Variants in KDM4C observed in about 807,000 individuals in gnomAD.
KDM4C encodes lysine-specific demethylase 4C.
In KDM4C, 81 loss-of-function variants were observed where a neutral mutation model predicts 129.3. That is an observed-to-expected ratio of 0.63 (90% CI 0.52 to 0.75). The LOEUF is 0.75. Among genes scored for constraint, KDM4C ranks in the 30% least tolerant of loss-of-function variants. KDM4C has a pLI of 0.00. For synonymous variants in KDM4C, 573 were observed against 456.1 expected (o/e 1.26, Z -3.26); for missense variants, 1,457 against 1,304.0 (o/e 1.12, Z -1.81).
At chr9:6,781,530 C>T (rs561705974) in intron 1 of KDM4C, among the ~76,000 whole-genome samples, 2 of 152,130 alleles carry the variant, frequency 1.3e-5, no homozygotes, top group East Asian at 1.9e-4. Context: ...AGCCATAAAC[C>T]ATGGTATTCT....
At chr9:6,730,120 A>C (rs577127370) in intron 1 of KDM4C, among the ~76,000 whole-genome samples, 1 of 124,936 alleles carries the variant, frequency 8.0e-6, no homozygotes, top group South Asian at 2.4e-4. Flanking sequence ...AAAAAAAAGA[A>C]AAAAAAAAAG....
chr9:7,006,395 A>ACT lies in KDM4C; in HGVS notation c.1787-5302_1787-5301dup, dbSNP rs140922990. On this transcript the variant is annotated intron_variant, in intron 12 of 21. Coordinates refer to ENST00000381309, the MANE Select transcript of KDM4C (RefSeq NM_015061.6). The stretch of plus-strand genomic sequence containing the variant: ...TCATTGCTTGAGCATCAGAGGTGAT[A>ACT]CTGATTGTCTATTTAATGATCAATG... Among the ~76,000 whole-genome samples, 517 of 152,244 alleles carry ACT rather than the reference A, an allele frequency of 3.4e-3. 2 individuals are homozygous for ACT. The highest frequency in any genetic ancestry group is 0.012 in the African/African-American group (482 of 41,534).
intron 17 of KDM4C, chr9:7,076,715 G>C: frequency 8.1e-7 from 1 of 1,228,120 alleles, no homozygotes; most frequent in Non-Finnish European, 1.0e-6. Context: ...TTCATTTGTT[G>C]ACTTCCTATG....
chr9:6,856,171 CA>C (rs58881523), intron 5 of KDM4C, among the ~76,000 whole-genome samples: 35,789 of 142,658 alleles, frequency 0.25, 4,537 homozygotes, highest in East Asian at 0.5. Flanking sequence ...ATTTGAAGAT[CA>C]AAAAAAAAAA....
intron 4 of KDM4C, chr9:6,814,970 T>A: frequency 2.8e-6 from 1 of 360,832 alleles, no homozygotes; most frequent in Non-Finnish European, 4.9e-6. Flanking sequence ...TAACATGGTA[T>A]GTGGTTATCT....
At chr9:6,932,049 A>C (rs146591522) in intron 8 of KDM4C, among the ~76,000 whole-genome samples, 2,733 of 152,290 alleles carry the variant, frequency 0.018, 82 homozygotes, top group African/African-American at 0.061. Context: ...GGCCGTGACT[A>C]TTGTGAGTCA....
At chr9:6,739,537 C>G (rs1312201298) in intron 1 of KDM4C, among the ~76,000 whole-genome samples, 1 of 152,096 alleles carries the variant, frequency 6.6e-6, no homozygotes, top group African/African-American at 2.4e-5. Context: ...TAACATTATC[C>G]AGTAAAGTAG....
intron 8 of KDM4C, among the ~76,000 whole-genome samples, chr9:6,916,244 C>CT (rs1037588800): frequency 4.6e-5 from 7 of 151,678 alleles, no homozygotes; most frequent in African/African-American, 1.7e-4. Flanking sequence ...TTATCCGGAC[C>CT]TTTTTTATTC....
rs117754744 is a variant in KDM4C at position 7,051,451 on chromosome 9, C to T, written c.2424+2251C>T. On this transcript the variant is annotated intron_variant, in intron 17 of 21. Coordinates refer to ENST00000381309, the MANE Select transcript of KDM4C (RefSeq NM_015061.6). ...CAATTTACTTATGTGGGGAATGAAA[C>T]GCACCTTTCCAGGGAATAGGATGCT... Among the ~76,000 whole-genome samples the T allele has an allele frequency of 5.7e-3, 864 of 152,238 alleles. 59 individuals are homozygous for T. In the East Asian group the frequency reaches 0.14, roughly 25 times the overall value.
At chr9:6,914,889 C>T (rs1047914134) in intron 8 of KDM4C, among the ~76,000 whole-genome samples, 6 of 152,212 alleles carry the variant, frequency 3.9e-5, no homozygotes, top group Non-Finnish European at 8.8e-5. Context: ...AAACTGTGAA[C>T]AGTAAATTTC....
At chr9:7,148,360 C>A (rs913477686) in intron 19 of KDM4C, among the ~76,000 whole-genome samples, 2 of 152,206 alleles carry the variant, frequency 1.3e-5, no homozygotes, top group African/African-American at 4.8e-5. Flanking sequence ...ATTTGTGTTA[C>A]AGCTCTTTCA....
intron 8 of KDM4C, among the ~76,000 whole-genome samples, chr9:6,914,235 T>G (rs1469253342): frequency 1.3e-5 from 2 of 152,100 alleles, no homozygotes; most frequent in African/African-American, 4.8e-5. Context: ...AATATTGTAT[T>G]TTTTGTAGAG....
intron 5 of KDM4C, among the ~76,000 whole-genome samples, chr9:6,865,927 G>A (rs1056213527): frequency 3.3e-5 from 5 of 151,824 alleles, no homozygotes; most frequent in African/African-American, 1.2e-4. Flanking sequence ...CTAATTTTTT[G>A]TATTTTTAGT....
chr9:6,899,538 T>TG (rs751090659), intron 8 of KDM4C, among the ~76,000 whole-genome samples: 1 of 91,544 alleles, frequency 1.1e-5, no homozygotes, highest in Admixed American at 1.0e-4. Context: ...GCCTTTTCCA[T>TG]GGGGGTGTGT....
At chr9:6,930,417 T>C (rs1823459061) in intron 8 of KDM4C, among the ~76,000 whole-genome samples, 1 of 151,108 alleles carries the variant, frequency 6.6e-6, no homozygotes. Context: ...AAAGCACGCG[T>C]TGAATTTAGT....
In KDM4C at chr9:6,865,274, T is replaced by C. The variant is rs543225086; in HGVS notation, c.630-14738T>C. ...CCGACCGCCTTGGCCTCCCAAAGTTTTGGGATTACAAGCGTGAGCCAAAGT... is the reference window on the plus strand; with the variant it reads ...CCGACCGCCTTGGCCTCCCAAAGTTCTGGGATTACAAGCGTGAGCCAAAGT... On this transcript the variant is annotated intron_variant, in intron 5 of 21. Coordinates refer to ENST00000381309, the MANE Select transcript of KDM4C (RefSeq NM_015061.6). Among the ~76,000 whole-genome samples the C allele has an allele frequency of 1.1e-3, 165 of 152,218 alleles. 1 individual carries two copies. The highest frequency in any genetic ancestry group is 1.8e-3 in the Non-Finnish European group (120 of 67,998).
At chr9:6,904,262 A>G (rs964404822) in intron 8 of KDM4C, among the ~76,000 whole-genome samples, 6 of 152,078 alleles carry the variant, frequency 3.9e-5, no homozygotes, top group Non-Finnish European at 7.4e-5. Context: ...AAAAATCTGT[A>G]TCTATGTCTA....
At chr9:7,041,018 C>G (rs1828506726) in intron 15 of KDM4C, among the ~76,000 whole-genome samples, 1 of 151,302 alleles carries the variant, frequency 6.6e-6, no homozygotes, top group Non-Finnish European at 1.5e-5. Context: ...TATACATAAA[C>G]TGAGTAGTTT....
chr9:7,170,222 C>G, intron 21 of KDM4C: 1 of 1,192,730 alleles, frequency 8.4e-7, no homozygotes, highest in Non-Finnish European at 1.1e-6. Flanking sequence ...CATTTGCAAT[C>G]TTGTTAGTAG....
Sources: allele counts gnomAD v4.1 joint callset (sites outside exome capture counted in the v4.1 genomes callset), GRCh38; gene constraint gnomAD v4.1.1; transcripts MANE v1.5; gene names NCBI Gene and HGNC (gene_info 2026-07-23, HGNC 2026-07-21).